RBMS1: variants seen among roughly 807,000 people sequenced by gnomAD.
RBMS1 encodes RNA-binding motif, single-stranded-interacting protein 1.
Under a neutral mutation model 62.3 loss-of-function variants are expected in RBMS1, and 17 were observed. That is an observed-to-expected ratio of 0.27 (90% confidence interval 0.19 to 0.41). The LOEUF (loss-of-function observed/expected upper bound fraction) is 0.41. RBMS1 is among the 10% of genes least tolerant of loss of function. The probability of loss-of-function intolerance (pLI) is 1.00; values close to 1 mark genes in which losing one functional copy is unlikely to be tolerated. For synonymous variants in RBMS1, 172 were observed against 170.0 expected (o/e 1.01, Z -0.09); for missense variants, 334 against 504.5 (o/e 0.66, Z 3.24).
chr2:160,450,564 G>GAAAAAAAAAAAAAAAAAAAAAAAAAAA (rs1181640365), intron 1 of RBMS1, among the ~76,000 whole-genome samples: 1 of 56,582 alleles, frequency 1.8e-5, no homozygotes, highest in Non-Finnish European at 3.1e-5. Context: ...AATAAAAAAT[G>GAAAAAAAAAAAAAAAAAAAAAAAAAAA]AAAAAAAAAA....
intron 2 of RBMS1, among the ~76,000 whole-genome samples, chr2:160,353,238 A>T (rs1010419620): frequency 1.4e-4 from 22 of 152,200 alleles, no homozygotes; most frequent in Admixed American, 3.9e-4. Context: ...TTTTGTATAT[A>T]GTTTTGTTGA....
chr2:160,299,371 T>C (rs1460707212), intron 6 of RBMS1, among the ~76,000 whole-genome samples: 3 of 152,226 alleles, frequency 2.0e-5, no homozygotes, highest in Non-Finnish European at 2.9e-5. Flanking sequence ...AATCCTGTGA[T>C]TTAAAAAATG....
chr2:160,445,453 G>C (rs1159194345), intron 1 of RBMS1, among the ~76,000 whole-genome samples: 1 of 152,138 alleles, frequency 6.6e-6, no homozygotes, highest in Admixed American at 6.5e-5. Flanking sequence ...AGCATTACTA[G>C]CAATGCCAAA....
intron 1 of RBMS1, among the ~76,000 whole-genome samples, chr2:160,374,331 G>C (rs1181735236): frequency 6.6e-6 from 1 of 152,312 alleles, no homozygotes; most frequent in East Asian, 1.9e-4. Context: ...AGAGTAAGAA[G>C]AGGAGTGACC....
rs762708826 is a variant in RBMS1 at position 160,460,645 on chromosome 2, T to A, written c.75+32644A>T. On this transcript the variant is annotated intron_variant, in intron 1 of 13. Transcript: ENST00000348849. Reference sequence around the variant, plus strand: ...GGACAACCTGTTGCTTTTCCGCAATTTCCTCTCTGGCTGTTTTGCTTCTTT... The same window carrying A: ...GGACAACCTGTTGCTTTTCCGCAATATCCTCTCTGGCTGTTTTGCTTCTTT... Among the ~76,000 whole-genome samples, 17 of 152,234 alleles carry A rather than the reference T, an allele frequency of 1.1e-4. 1 individual carries two copies. The highest frequency in any genetic ancestry group is 1.5e-4 in the Non-Finnish European group (10 of 68,038).
intron 1 of RBMS1, among the ~76,000 whole-genome samples, chr2:160,388,886 G>A (rs984771685): frequency 6.6e-6 from 1 of 152,238 alleles, no homozygotes; most frequent in South Asian, 2.1e-4. Context: ...CCCCTGGGGG[G>A]AGGCCTTCCA....
chr2:160,379,211 G>T (rs997758373), intron 1 of RBMS1, among the ~76,000 whole-genome samples: 1 of 144,542 alleles, frequency 6.9e-6, no homozygotes, highest in Non-Finnish European at 1.5e-5. Context: ...AATAGAGGAA[G>T]AACCTGTCTT....
In RBMS1 at chr2:160,375,890, T is replaced by C. The variant is rs371470983; in HGVS notation, c.76-8499A>G. On this transcript the variant is annotated intron_variant, in intron 1 of 13. Coordinates refer to ENST00000348849, the MANE Select transcript of RBMS1 (RefSeq NM_016836.4). ...CTCTTCCTTTACTTTTTACTCAAAA[T>C]AAATGGAAAAAAAAAAAAAAAGAAA... 9.1e-5 allele frequency among the ~76,000 whole-genome samples: 10 copies of C among 109,604 alleles called. No homozygotes were observed. In the Admixed American group the frequency reaches 1.0e-3, roughly 11 times the overall value. The allele number at this position is 109,604 out of a possible 152,430, so 71.9% of individuals were successfully genotyped here. A position where few individuals can be genotyped will look rare whatever the true frequency, so the allele number is the denominator to read the frequency against.
intron 2 of RBMS1, among the ~76,000 whole-genome samples, chr2:160,346,845 A>C (rs1007125930): frequency 1.3e-5 from 2 of 152,178 alleles, no homozygotes; most frequent in African/African-American, 4.8e-5. Flanking sequence ...CTTCCAAAAT[A>C]CACCAAAGAA....
intron 1 of RBMS1, among the ~76,000 whole-genome samples, chr2:160,481,633 T>A (rs1685376010): frequency 6.6e-6 from 1 of 152,094 alleles, no homozygotes; most frequent in Non-Finnish European, 1.5e-5. Context: ...GAACAAAAAG[T>A]TGAATTGCAT....
rs1288600737 is a variant in RBMS1 at position 160,358,701 on chromosome 2, T to C, written c.251+8515A>G. Among the ~76,000 whole-genome samples, 3 of 152,148 alleles carry C rather than the reference T, an allele frequency of 2.0e-5. No homozygotes were observed. The East Asian group carries it at 5.8e-4, about 29-fold the overall frequency. On this transcript the variant is annotated intron_variant, in intron 2 of 13. Transcript: ENST00000348849. The stretch of plus-strand genomic sequence containing the variant: ...ATGGAATGCATTTTCTATAAGTAAC[T>C]GCAGAAAACTCATCACTTTAACCCA...
chr2:160,361,049 T>G (rs189604884), intron 2 of RBMS1, among the ~76,000 whole-genome samples: 3 of 152,368 alleles, frequency 2.0e-5, no homozygotes, highest in African/African-American at 7.2e-5. Flanking sequence ...ACATTTCTAT[T>G]AAAGTCATAT....
intron 1 of RBMS1, among the ~76,000 whole-genome samples, chr2:160,481,969 TAGG>T: frequency 6.6e-6 from 1 of 152,310 alleles, no homozygotes; most frequent in South Asian, 2.1e-4. Flanking sequence ...ATTCCTCTCT[TAGG>T]AGTAAGTGCA....
At chr2:160,353,536 A>T (rs1692634891) in intron 2 of RBMS1, among the ~76,000 whole-genome samples, 1 of 152,158 alleles carries the variant, frequency 6.6e-6, no homozygotes, top group African/African-American at 2.4e-5. Context: ...TTGTGTCAAG[A>T]CCTGCCCAGT....
chr2:160,356,867 T>C (rs1692829416), intron 2 of RBMS1, among the ~76,000 whole-genome samples: 1 of 152,152 alleles, frequency 6.6e-6, no homozygotes, highest in Admixed American at 6.6e-5. Context: ...ATACTTGGCA[T>C]AGTTATCGGG....
intron 1 of RBMS1, among the ~76,000 whole-genome samples, chr2:160,463,363 T>G (rs1380635689): frequency 6.6e-6 from 1 of 152,184 alleles, no homozygotes; most frequent in African/African-American, 2.4e-5. Flanking sequence ...AAACATCAAT[T>G]CAGGCTGATA....
chr2:160,462,453 C>T (rs1355568845), intron 1 of RBMS1, among the ~76,000 whole-genome samples: 1 of 152,096 alleles, frequency 6.6e-6, no homozygotes, highest in Non-Finnish European at 1.5e-5. Context: ...TGAAAAAGCA[C>T]AGTGAGTGGT....
At chr2:160,424,265 C>T (rs6746517) in intron 1 of RBMS1, among the ~76,000 whole-genome samples, 42,987 of 151,722 alleles carry the variant, frequency 0.28, 6,734 homozygotes, top group East Asian at 0.61. Context: ...ATGATCCACC[C>T]GCCTCAGCCT....
chr2:160,397,627 T>C lies in RBMS1; in HGVS notation c.76-30236A>G, dbSNP rs137874899. On this transcript the variant is annotated intron_variant, in intron 1 of 13. Transcript: ENST00000348849. Reference sequence around the variant, plus strand: ...CTAAAGACACACCCTCTTCATTCATTCACTCTTTAAACCCTTTGGAATGTG... The same window carrying C: ...CTAAAGACACACCCTCTTCATTCATCCACTCTTTAAACCCTTTGGAATGTG... 3.5e-4 allele frequency among the ~76,000 whole-genome samples: 54 copies of C among 152,278 alleles called. No individual in the cohort carries two copies. The East Asian group carries it at 9.8e-3, about 28-fold the overall frequency.
Sources: allele counts gnomAD v4.1 joint callset (sites outside exome capture counted in the v4.1 genomes callset), GRCh38; gene constraint gnomAD v4.1.1; transcripts MANE v1.5; gene names NCBI Gene and HGNC (gene_info 2026-07-23, HGNC 2026-07-21).